The following SLC25A13 variants were observed in gnomAD, a reference collection of about 807,000 sequenced individuals.
The protein encoded by SLC25A13 is electrogenic aspartate/glutamate antiporter SLC25A13, mitochondrial.
In SLC25A13, 70 loss-of-function variants were observed where a neutral mutation model predicts 85.5. The ratio of observed to expected loss-of-function variants is 0.82; its 90% CI spans 0.68 to 1.00. The LOEUF is 1.00. Among genes scored for constraint, SLC25A13 ranks in the 50% least tolerant of loss-of-function variants. The pLI is 0.00. For synonymous variants in SLC25A13, 259 were observed against 288.7 expected (o/e 0.90, Z 1.04); for missense variants, 765 against 819.8 (o/e 0.93, Z 0.82).
intron 3 of SLC25A13, among the ~76,000 whole-genome samples, chr7:96,240,710 C>T (rs1796936277): frequency 6.7e-6 from 1 of 148,164 alleles, no homozygotes; most frequent in Non-Finnish European, 1.5e-5. Context: ...CACCACTGCA[C>T]TCCAGCCTGG....
chr7:96,319,857 CAAG>C (rs1414980091), intron 1 of SLC25A13, among the ~76,000 whole-genome samples: 1 of 152,138 alleles, frequency 6.6e-6, no homozygotes, highest in Non-Finnish European at 1.5e-5. Context: ...CACAAGCTCC[CAAG>C]TAGTAAAAAT....
At chr7:96,147,942 T>G (rs1279811438) in intron 13 of SLC25A13, among the ~76,000 whole-genome samples, 1 of 151,734 alleles carries the variant, frequency 6.6e-6, no homozygotes, top group Non-Finnish European at 1.5e-5. Context: ...TTTTTTTTTT[T>G]GATGTATTTG....
At chr7:96,172,481 C>T (rs1311043411) in intron 11 of SLC25A13, among the ~76,000 whole-genome samples, 3 of 151,962 alleles carry the variant, frequency 2.0e-5, no homozygotes, top group Admixed American at 6.5e-5. Context: ...TTGCTTGAAC[C>T]CAGGAGGTGG....
intron 13 of SLC25A13, among the ~76,000 whole-genome samples, chr7:96,152,422 C>T (rs1009717206): frequency 3.3e-5 from 5 of 152,068 alleles, no homozygotes; most frequent in African/African-American, 1.2e-4. Flanking sequence ...TGATAAAAGG[C>T]CAGAATTAGA....
intron 1 of SLC25A13, among the ~76,000 whole-genome samples, chr7:96,314,081 CGAAAGAA>C (rs1383682290): frequency 1.4e-5 from 2 of 138,978 alleles, no homozygotes; most frequent in East Asian, 2.1e-4. Context: ...AGAAAGAAGA[CGAAAGAA>C]GAAAGAAGAA....
chr7:96,283,877 C>G (rs1798783748), intron 2 of SLC25A13: 1 of 151,012 alleles, frequency 6.6e-6, no homozygotes, highest in Non-Finnish European at 1.4e-5. Flanking sequence ...GGTGTCCACT[C>G]CCTCAAAGAA....
chr7:96,278,929 CCT>C (rs1339509102), intron 2 of SLC25A13, among the ~76,000 whole-genome samples: 3 of 152,158 alleles, frequency 2.0e-5, no homozygotes, highest in Admixed American at 6.5e-5. Context: ...TAAGTTTGCC[CCT>C]GATAGTGAAT....
At chr7:96,214,216 G>A (rs1273308375) in intron 4 of SLC25A13, among the ~76,000 whole-genome samples, 1 of 152,128 alleles carries the variant, frequency 6.6e-6, no homozygotes, top group Non-Finnish European at 1.5e-5. Flanking sequence ...TCCCAAGTTA[G>A]TAAGTTTCCC....
intron 13 of SLC25A13, among the ~76,000 whole-genome samples, chr7:96,157,923 G>T (rs1793352260): frequency 6.6e-6 from 1 of 152,162 alleles, no homozygotes; most frequent in African/African-American, 2.4e-5. Flanking sequence ...CAAGAACAAT[G>T]GCCTTCACTA....
chr7:96,229,616 C>T (rs374987532), intron 4 of SLC25A13, among the ~76,000 whole-genome samples: 4 of 152,170 alleles, frequency 2.6e-5, no homozygotes, highest in East Asian at 1.9e-4. Flanking sequence ...TGAAGGTCTG[C>T]AGCTTTACTC....
chr7:96,245,604 G>C (rs913040426), intron 3 of SLC25A13, among the ~76,000 whole-genome samples: 1 of 152,100 alleles, frequency 6.6e-6, no homozygotes, highest in African/African-American at 2.4e-5. Flanking sequence ...CCAACACTGA[G>C]AGCAGAATTT....
chr7:96,190,324 C>T (rs1451361590), intron 7 of SLC25A13, among the ~76,000 whole-genome samples: 1 of 152,052 alleles, frequency 6.6e-6, no homozygotes, highest in Non-Finnish European at 1.5e-5. Context: ...ATCTCCTGAC[C>T]TCATGATCTG....
intron 1 of SLC25A13, among the ~76,000 whole-genome samples, chr7:96,306,570 T>C (rs1254410473): frequency 3.3e-5 from 5 of 152,094 alleles, no homozygotes; most frequent in Non-Finnish European, 4.4e-5. Context: ...AGCCAAACGG[T>C]AGAGAGCCTT....
chr7:96,294,451 A>C (rs1396346275), intron 2 of SLC25A13, among the ~76,000 whole-genome samples: 1 of 152,022 alleles, frequency 6.6e-6, no homozygotes, highest in African/African-American at 2.4e-5. Context: ...AATAACAACA[A>C]TACAAAAATT....
At chr7:96,167,731 T>A (rs1793812597) in intron 13 of SLC25A13, among the ~76,000 whole-genome samples, 1 of 152,066 alleles carries the variant, frequency 6.6e-6, no homozygotes. Context: ...ACAACAACCC[T>A]CTAAGGTGTG....
chr7:96,296,890 A>C lies in SLC25A13; in HGVS notation c.69+8T>G. The C allele has an allele frequency of 1.2e-6, 2 of 1,611,352 alleles. No homozygotes were observed. The highest frequency in any genetic ancestry group is 1.1e-5 in the South Asian group (1 of 91,000). On this transcript the variant is annotated splice_region_variant and intron_variant, in intron 2 of 17. Coordinates refer to ENST00000265631, the MANE Select transcript of SLC25A13 (RefSeq NM_014251.3). ...AACAAGAAACAAAATAGATTCCTTT[A>C]TACTGACCTTCAAAAATATTGTTCT...
chr7:96,204,271 A>C (rs751546128), intron 5 of SLC25A13, among the ~76,000 whole-genome samples: 15 of 152,230 alleles, frequency 9.9e-5, no homozygotes, highest in Non-Finnish European at 1.6e-4. Context: ...TAGTTATTGT[A>C]ACTTTTTTGA....
chr7:96,160,621 A>C (rs1320853754), intron 13 of SLC25A13, among the ~76,000 whole-genome samples: 1 of 152,136 alleles, frequency 6.6e-6, no homozygotes, highest in African/African-American at 2.4e-5. Flanking sequence ...TAAGGGCACT[A>C]ATCTCAAACT....
At chr7:96,173,339 AC>A (rs1794085726) in intron 11 of SLC25A13, among the ~76,000 whole-genome samples, 1 of 152,234 alleles carries the variant, frequency 6.6e-6, no homozygotes, top group African/African-American at 2.4e-5. Flanking sequence ...CAGAGAGGAA[AC>A]CAAGGCATAG....
Sources: allele counts gnomAD v4.1 joint callset (sites outside exome capture counted in the v4.1 genomes callset), GRCh38; gene constraint gnomAD v4.1.1; transcripts MANE v1.5; gene names NCBI Gene and HGNC (gene_info 2026-07-23, HGNC 2026-07-21).